Variants in TNFRSF19 observed in about 807,000 individuals in gnomAD.
The protein encoded by TNFRSF19 is TNF receptor superfamily member 19.
In TNFRSF19, 27 loss-of-function variants were observed where a neutral mutation model predicts 46.4. The ratio of observed to expected loss-of-function variants is 0.58; its 90% confidence interval spans 0.43 to 0.80. The LOEUF is 0.80. Ranked by LOEUF, TNFRSF19 falls within the 30% of genes least tolerant of loss-of-function variation. The pLI, the probability that TNFRSF19 is intolerant of heterozygous loss-of-function variation, is 0.00. For missense variants in TNFRSF19, 511 were observed against 530.8 expected (o/e 0.96, Z 0.37); for synonymous variants, 204 against 205.0 (o/e 1.00, Z 0.04).
At chr13:23,669,940 C>G (rs1194201071) in intron 9 of TNFRSF19, among the ~76,000 whole-genome samples, 1 of 152,178 alleles carries the variant, frequency 6.6e-6, no homozygotes, top group Non-Finnish European at 1.5e-5. Flanking sequence ...GTCCAGCTCC[C>G]AGGCCCACAA....
chr13:23,623,990 T>A (rs1881836921), intron 4 of TNFRSF19, among the ~76,000 whole-genome samples: 1 of 152,196 alleles, frequency 6.6e-6, no homozygotes, highest in African/African-American at 2.4e-5. Flanking sequence ...TCTTGTTTCC[T>A]ATGGTTTTGG....
intron 1 of TNFRSF19, among the ~76,000 whole-genome samples, chr13:23,585,992 C>T (rs912351171): frequency 6.6e-6 from 1 of 152,060 alleles, no homozygotes; most frequent in Non-Finnish European, 1.5e-5. Flanking sequence ...TAAATGTAGC[C>T]GGGCGCGGTG....
At chr13:23,586,826 C>T (rs1307039710) in intron 1 of TNFRSF19, among the ~76,000 whole-genome samples, 1 of 152,200 alleles carries the variant, frequency 6.6e-6, no homozygotes, top group Admixed American at 6.5e-5. Flanking sequence ...GCTCCTGATA[C>T]TGCCAAGCTG....
At chr13:23,621,169 C>T (rs1881630584) in intron 4 of TNFRSF19, among the ~76,000 whole-genome samples, 1 of 152,160 alleles carries the variant, frequency 6.6e-6, no homozygotes, top group Non-Finnish European at 1.5e-5. Flanking sequence ...CCTCAGCAGA[C>T]CCCTTGCTCC....
intron 3 of TNFRSF19, among the ~76,000 whole-genome samples, chr13:23,595,401 A>C (rs1879643490): frequency 6.6e-6 from 1 of 152,240 alleles, no homozygotes; most frequent in Admixed American, 6.5e-5. Flanking sequence ...TAACCAGTTT[A>C]GAGAAGAACA....
intron 5 of TNFRSF19, among the ~76,000 whole-genome samples, chr13:23,635,448 G>A (rs1412689863): frequency 1.3e-5 from 2 of 151,606 alleles, no homozygotes; most frequent in Non-Finnish European, 2.9e-5. Flanking sequence ...GTGTGATCTC[G>A]GCTCACTACA....
At chr13:23,574,348 A>G (rs1406253670) in intron 1 of TNFRSF19, among the ~76,000 whole-genome samples, 1 of 152,164 alleles carries the variant, frequency 6.6e-6, no homozygotes, top group Non-Finnish European at 1.5e-5. Flanking sequence ...ATTGTGATCT[A>G]CATTTTTTTT....
chr13:23,626,444 C>G (rs1461471501), intron 4 of TNFRSF19, among the ~76,000 whole-genome samples: 1 of 152,066 alleles, frequency 6.6e-6, no homozygotes, highest in East Asian at 1.9e-4. Flanking sequence ...AGACCACTGA[C>G]TTTATATTCC....
intron 4 of TNFRSF19, among the ~76,000 whole-genome samples, chr13:23,622,139 C>T (rs975124605): frequency 2.0e-5 from 3 of 152,088 alleles, no homozygotes; most frequent in African/African-American, 4.8e-5. Context: ...GCGTGGTGGT[C>T]ACACCTGTAA....
chr13:23,605,795 T>C (rs1880470742), intron 3 of TNFRSF19, among the ~76,000 whole-genome samples: 1 of 152,060 alleles, frequency 6.6e-6, no homozygotes, highest in Admixed American at 6.5e-5. Flanking sequence ...CTGGTTGCCA[T>C]GGGTAAGGGT....
intron 3 of TNFRSF19, chr13:23,594,114 G>A (rs1238080486): frequency 8.0e-6 from 3 of 373,040 alleles, no homozygotes; most frequent in Non-Finnish European, 1.6e-5. Context: ...CCACAGACCA[G>A]GAGATTCCCT....
intron 5 of TNFRSF19, among the ~76,000 whole-genome samples, chr13:23,637,067 G>A (rs547669076): frequency 1.3e-5 from 2 of 151,952 alleles, no homozygotes; most frequent in Admixed American, 6.5e-5. Flanking sequence ...CTAAACCCAA[G>A]TGAAACACGT....
At chr13:23,651,840 C>CTTTTTTT (rs71070609) in intron 5 of TNFRSF19, among the ~76,000 whole-genome samples, 11 of 35,974 alleles carry the variant, frequency 3.1e-4, no homozygotes, top group Non-Finnish European at 4.2e-4. Context: ...ACACTATAGT[C>CTTTTTTT]TTTTTTTTTT....
chr13:23,583,520 T>C (rs1386839045), intron 1 of TNFRSF19, among the ~76,000 whole-genome samples: 1 of 152,212 alleles, frequency 6.6e-6, no homozygotes, highest in Non-Finnish European at 1.5e-5. Context: ...TTTATTTACC[T>C]TTTAAACTGA....
chr13:23,633,684 A>C (rs571349023), intron 5 of TNFRSF19, among the ~76,000 whole-genome samples: 1 of 152,220 alleles, frequency 6.6e-6, no homozygotes, highest in East Asian at 1.9e-4. Flanking sequence ...CCCTGTCTCT[A>C]TTAAAAATAC....
At chr13:23,634,572 C>T (rs1477912028) in intron 5 of TNFRSF19, among the ~76,000 whole-genome samples, 4 of 152,204 alleles carry the variant, frequency 2.6e-5, no homozygotes, top group East Asian at 1.9e-4. Context: ...TAAGTCCACA[C>T]GTAGTGAAAC....
chr13:23,661,742 G>A (rs775343975), intron 7 of TNFRSF19, among the ~76,000 whole-genome samples: 2 of 152,168 alleles, frequency 1.3e-5, no homozygotes, highest in African/African-American at 4.8e-5. Flanking sequence ...ATTCTGACTG[G>A]TGTGAGATGG....
intron 3 of TNFRSF19, among the ~76,000 whole-genome samples, chr13:23,601,474 T>A: frequency 6.6e-6 from 1 of 152,168 alleles, no homozygotes; most frequent in East Asian, 1.9e-4. Context: ...ATGTAAGAAA[T>A]GTTAAAAGAA....
At chr13:23,618,568 C>T (rs748789679) in intron 4 of TNFRSF19, among the ~76,000 whole-genome samples, 5 of 152,242 alleles carry the variant, frequency 3.3e-5, no homozygotes, top group South Asian at 2.1e-4. Context: ...TTGGTGGGAA[C>T]GGCAAAGGGT....
Sources: allele counts gnomAD v4.1 joint callset (sites outside exome capture counted in the v4.1 genomes callset), GRCh38; gene constraint gnomAD v4.1.1; transcripts MANE v1.5; gene names NCBI Gene and HGNC (gene_info 2026-07-23, HGNC 2026-07-21).